CRTAM: variants seen among roughly 807,000 people sequenced by gnomAD.
CRTAM encodes cytotoxic and regulatory T cell molecule, also known as cytotoxic and regulatory T-cell molecule.
In CRTAM, 44 loss-of-function variants were observed where a neutral mutation model predicts 50.0. That is an observed-to-expected ratio of 0.88 (90% confidence interval 0.69 to 1.13). The LOEUF is 1.13. Among genes scored for constraint, CRTAM ranks in the 50% most tolerant of loss-of-function variants. CRTAM has a pLI of 0.00. For missense variants in CRTAM, 448 were observed against 457.5 expected, an observed-to-expected ratio of 0.98 and a Z score of 0.19; for synonymous variants, 159 against 169.3, an observed-to-expected ratio of 0.94 and a Z score of 0.47.
intron 7 of CRTAM, among the ~76,000 whole-genome samples, chr11:122,866,226 T>C (rs1862171561): frequency 1.3e-5 from 2 of 152,168 alleles, no homozygotes; most frequent in South Asian, 4.1e-4. Flanking sequence ...TGCCCTTGTT[T>C]ATCCTCACTG....
rs1158078105 is a variant in CRTAM, at chr11:122,850,193, A to AT, written c.179dup (p.Leu60PhefsTer3). 5 of 1,608,840 alleles carry AT rather than the reference A, an allele frequency of 3.1e-6. No individual in the cohort carries two copies. Among genetic ancestry groups the AT allele is most frequent in the Non-Finnish European group, 4.2e-6 (5 of 1,176,580 alleles). On this transcript the variant is annotated frameshift_variant, in exon 2 of 10. Coordinates refer to ENST00000227348, the MANE Select transcript of CRTAM (RefSeq NM_019604.4). LOFTEE classifies it high-confidence loss of function. ...GTGGCTGACCCCCTCAGGGTTCACCATTTTTTTAAATGAGTATCCTGGTAA... is the reference window on the plus strand; with the variant it reads ...GTGGCTGACCCCCTCAGGGTTCACCATTTTTTTTAAATGAGTATCCTGGTAA...
At chr11:122,840,200 T>G (rs936290641) in intron 1 of CRTAM, among the ~76,000 whole-genome samples, 4 of 152,140 alleles carry the variant, frequency 2.6e-5, no homozygotes. Flanking sequence ...ATTATTTATA[T>G]AGAGAGGAAA....
intron 1 of CRTAM, among the ~76,000 whole-genome samples, chr11:122,844,053 G>T (rs550439891): frequency 6.6e-6 from 1 of 152,328 alleles, no homozygotes; most frequent in Admixed American, 6.5e-5. Context: ...AATATTCTAT[G>T]CCTCAAACAC....
chr11:122,857,585 C>T (rs922713958), intron 5 of CRTAM, among the ~76,000 whole-genome samples: 2 of 152,236 alleles, frequency 1.3e-5, no homozygotes, highest in African/African-American at 4.8e-5. Context: ...CTGTTGATAG[C>T]TTCCATTAGT....
At position 122,838,576 on chromosome 11, in the gene CRTAM, A is replaced by G. The variant is rs757856615; in HGVS notation, c.30A>G (p.Ala10=). ...GGTGGAGAGTTCTCAGCTTGCTGGC[A>G]TGGTTCCCCTTGCAAGGTAAGGACT... MWWRVLSLL[A]WFPLQEASLT... is the part of the protein sequence containing the mutation. Residue 10 remains alanine (A), a synonymous_variant, in exon 1 of 10, where the codon GCA becomes GCG. Coordinates refer to ENST00000227348, the MANE Select transcript of CRTAM (RefSeq NM_019604.4). 1.9e-5 allele frequency: 31 copies of G among 1,614,094 alleles called. No homozygotes were observed. The Admixed American group carries it at 3.5e-4, about 18-fold the overall frequency.
At chr11:122,869,781 A>G (rs1407291775) in intron 9 of CRTAM, among the ~76,000 whole-genome samples, 2 of 152,202 alleles carry the variant, frequency 1.3e-5, no homozygotes, top group African/African-American at 2.4e-5. Flanking sequence ...ACTGAAAAGA[A>G]TGAATAGATG....
At chr11:122,854,391 G>A (rs1269404480) in intron 4 of CRTAM, among the ~76,000 whole-genome samples, 2 of 152,162 alleles carry the variant, frequency 1.3e-5, no homozygotes, top group Non-Finnish European at 2.9e-5. Context: ...TAATATCTCA[G>A]GCGAGGCACA....
intron 1 of CRTAM, among the ~76,000 whole-genome samples, chr11:122,843,458 A>C (rs905315748): frequency 6.6e-6 from 1 of 152,216 alleles, no homozygotes; most frequent in African/African-American, 2.4e-5. Context: ...GAAACACCAC[A>C]GTCATTCATT....
At chr11:122,861,871 A>T in intron 5 of CRTAM, among the ~76,000 whole-genome samples, 1 of 152,208 alleles carries the variant, frequency 6.6e-6, no homozygotes, top group East Asian at 1.9e-4. Flanking sequence ...ATTCCTAAGC[A>T]TTGATTAATG....
chr11:122,863,321 A>AAAAGAAAGAAAGAAAGAAAGAAAGAAAG (rs137934573), intron 6 of CRTAM, among the ~76,000 whole-genome samples: 60 of 103,644 alleles, frequency 5.8e-4, no homozygotes, highest in African/African-American at 1.8e-3. Context: ...GAAAGAAAGA[A>AAAAGAAAGAAAGAAAGAAAGAAAGAAAG]AAAGAAAGAA....
chr11:122,851,595 T>G, intron 2 of CRTAM, 98 bp from the exon 3 acceptor site: 1 of 1,055,294 alleles, frequency 9.5e-7, no homozygotes, highest in Non-Finnish European at 1.4e-6. Flanking sequence ...TTGTGCCAAA[T>G]GTAGAAAGCG....
At chr11:122,855,033 T>C (rs1861986946) in intron 4 of CRTAM, among the ~76,000 whole-genome samples, 1 of 152,164 alleles carries the variant, frequency 6.6e-6, no homozygotes, top group Admixed American at 6.5e-5. Context: ...AACCTCTGCC[T>C]CCTGGGTTGA....
chr11:122,870,797 A>G (rs1163184431), intron 9 of CRTAM, among the ~76,000 whole-genome samples: 1 of 152,190 alleles, frequency 6.6e-6, no homozygotes, highest in Non-Finnish European at 1.5e-5. Context: ...ATTATAGTAT[A>G]GGCCAGTGCA....
intron 1 of CRTAM, among the ~76,000 whole-genome samples, chr11:122,849,596 T>C (rs1322825993): frequency 2.0e-5 from 3 of 152,024 alleles, no homozygotes; most frequent in Non-Finnish European, 4.4e-5. Context: ...GTGGTACGTG[T>C]CTGTAATCCC....
chr11:122,871,556 G>A lies in CRTAM; in HGVS notation c.*157G>A. 1.9e-6 allele frequency: 1 copy of A among 537,344 alleles called. No individual in the cohort carries two copies. Among genetic ancestry groups the A allele is most frequent in the Non-Finnish European group, 3.1e-6 (1 of 319,336 alleles). The allele number at this position is 537,344 out of a possible 1,614,324, so 33.3% of individuals were successfully genotyped here. On this transcript the variant is annotated 3_prime_UTR_variant, in exon 10 of 10. Transcript: ENST00000227348. The stretch of plus-strand genomic sequence containing the variant: ...GATAATGATCTGCCCCGGAGCTAGG[G>A]CAGCAACATGAGGACCAAACCATGC...
At chr11:122,854,234 A>T in intron 4 of CRTAM, 148 bp downstream of exon 4, 1 of 755,174 alleles carries the variant, frequency 1.3e-6, no homozygotes, top group Non-Finnish European at 2.0e-6. Flanking sequence ...TTATTCTTAC[A>T]ACCAATCAAT....
intron 1 of CRTAM, among the ~76,000 whole-genome samples, chr11:122,838,982 G>C (rs1033714541): frequency 6.6e-6 from 1 of 152,152 alleles, no homozygotes; most frequent in Admixed American, 6.5e-5. Context: ...AGGCTGGAGT[G>C]CAGCGGCACG....
At chr11:122,841,202 T>C (rs994345296) in intron 1 of CRTAM, among the ~76,000 whole-genome samples, 1 of 152,168 alleles carries the variant, frequency 6.6e-6, no homozygotes, top group Non-Finnish European at 1.5e-5. Flanking sequence ...ATAAAAATCT[T>C]TTTTTGTAAT....
chr11:122,859,441 G>T (rs1278596447), intron 5 of CRTAM, among the ~76,000 whole-genome samples: 1 of 143,768 alleles, frequency 7.0e-6, no homozygotes, highest in South Asian at 2.2e-4. Context: ...GAAAAAAAAA[G>T]TATATTTTGT....
Sources: gnomAD v4.1 joint callset for allele counts (sites outside exome capture counted in the v4.1 genomes callset) on GRCh38, gnomAD v4.1.1 for gene constraint, MANE v1.5 for transcripts, NCBI Gene and HGNC (gene_info 2026-07-23, HGNC 2026-07-21) for gene names.